NELL2: variants seen among roughly 807,000 people sequenced by gnomAD.
NELL2 encodes protein kinase C-binding protein NELL2.
Under a neutral mutation model 109.6 loss-of-function variants are expected in NELL2, and 41 were observed. The observed-to-expected ratio is 0.37, with a 90% CI of 0.29 to 0.49. The LOEUF is 0.49. NELL2 is among the 20% of genes least tolerant of loss of function. The pLI is 0.98. For missense variants in NELL2, 900 were observed against 1,008.3 expected (o/e 0.89, Z 1.45); for synonymous variants, 355 against 344.7 (o/e 1.03, Z -0.33).
chr12:44,908,240 T>C (rs1428382262), intron 1 of NELL2, among the ~76,000 whole-genome samples: 3 of 151,918 alleles, frequency 2.0e-5, no homozygotes, highest in East Asian at 1.9e-4. Context: ...AGATAAGAAA[T>C]AGAAGAGTTG....
chr12:44,832,117 A>ATTTTCT (rs1249941188), intron 2 of NELL2, among the ~76,000 whole-genome samples: 29 of 152,280 alleles, frequency 1.9e-4, no homozygotes, highest in Admixed American at 5.2e-4. Flanking sequence ...TCTTTTCTAC[A>ATTTTCT]AGCATTTAAA....
chr12:44,565,738 A>G (rs374446768), intron 15 of NELL2, among the ~76,000 whole-genome samples: 1 of 152,202 alleles, frequency 6.6e-6, no homozygotes, highest in African/African-American at 2.4e-5. Flanking sequence ...CTTAAATATC[A>G]TAATACAAAT....
intron 15 of NELL2, among the ~76,000 whole-genome samples, chr12:44,579,615 T>C (rs1218066969): frequency 6.6e-6 from 1 of 152,192 alleles, no homozygotes; most frequent in African/African-American, 2.4e-5. Context: ...ACTGCCGCCT[T>C]AAAACAGAAG....
intron 18 of NELL2, among the ~76,000 whole-genome samples, chr12:44,521,756 G>C (rs1941551780): frequency 6.6e-6 from 1 of 151,958 alleles, no homozygotes; most frequent in Non-Finnish European, 1.5e-5. Flanking sequence ...AGATACTCCT[G>C]AAAGAGACAT....
At chr12:44,807,904 C>T (rs1489950252) in intron 3 of NELL2, among the ~76,000 whole-genome samples, 1 of 151,994 alleles carries the variant, frequency 6.6e-6, no homozygotes, top group Non-Finnish European at 1.5e-5. Flanking sequence ...AACCAAAATT[C>T]CAGTACTCTG....
At chr12:44,915,395 AG>A (rs1744486929), upstream of NELL2, among the ~76,000 whole-genome samples, 2 of 152,182 alleles carry the variant, frequency 1.3e-5, no homozygotes, top group African/African-American at 4.8e-5. Flanking sequence ...TTCATGTTCA[AG>A]GTTATCTTCT....
intron 1 of NELL2, among the ~76,000 whole-genome samples, chr12:44,897,529 C>T (rs1267020192): frequency 6.6e-6 from 1 of 152,084 alleles, no homozygotes; most frequent in Non-Finnish European, 1.5e-5. Context: ...GGGGAACTCC[C>T]TCTCCTAGTC....
At chr12:44,811,067 AAC>A (rs1301322785) in intron 3 of NELL2, among the ~76,000 whole-genome samples, 1 of 152,086 alleles carries the variant, frequency 6.6e-6, no homozygotes, top group Non-Finnish European at 1.5e-5. Context: ...TCAGCAAACT[AAC>A]ACAGCAAAAG....
In NELL2 at chr12:44,892,289, A is replaced by G. The variant is rs545143716; in HGVS notation, c.39-16389T>C. On this transcript the variant is annotated intron_variant, in intron 1 of 20. Transcript: ENST00000333837. ...ACAGCATCCCAGGCTTCTACTTCCAATTCTGTTACTGTCCAACTGGGCAGG... is the reference window on the plus strand; with the variant it reads ...ACAGCATCCCAGGCTTCTACTTCCAGTTCTGTTACTGTCCAACTGGGCAGG... Among the ~76,000 whole-genome samples, 218 of 152,262 alleles carry G rather than the reference A, an allele frequency of 1.4e-3. 3 individuals carry two copies. The highest frequency in any genetic ancestry group is 3.9e-4 in the East Asian group (2 of 5,180).
In NELL2 at chr12:44,905,621, G is replaced by A. The variant is rs182594313; in HGVS notation, c.38+8178C>T. Among the ~76,000 whole-genome samples the A allele has an allele frequency of 6.5e-3, 985 of 152,086 alleles. 6 individuals carry two copies. Among genetic ancestry groups the A allele is most frequent in the Admixed American group, 0.01 (155 of 15,252 alleles). ...ATATCTGGTTATCCAAGCACTGAGG[G>A]ATCCTTAATGTCTCTTCCCAAATTA... On this transcript the variant is annotated intron_variant, in intron 1 of 20. Coordinates refer to the NELL2 transcript ENST00000333837.
intron 19 of NELL2, 87 bp downstream of exon 19, chr12:44,519,918 C>A: frequency 1.8e-6 from 2 of 1,123,850 alleles, no homozygotes; most frequent in African/African-American, 1.6e-5. Flanking sequence ...AAAAAACCTT[C>A]CTATTGTCCA....
chr12:44,699,093 T>C (rs1796980827), intron 12 of NELL2, among the ~76,000 whole-genome samples: 2 of 152,136 alleles, frequency 1.3e-5, no homozygotes, highest in Admixed American at 1.3e-4. Flanking sequence ...AGTGAAGACA[T>C]GTAGCAAAAA....
intron 9 of NELL2, among the ~76,000 whole-genome samples, chr12:44,725,618 G>A (rs1184168905): frequency 2.6e-5 from 4 of 152,094 alleles, no homozygotes; most frequent in Non-Finnish European, 5.9e-5. Context: ...GCCCATTAAT[G>A]ACAGACTGGA....
chr12:44,900,852 G>A (rs1179697879), intron 1 of NELL2, among the ~76,000 whole-genome samples: 1 of 152,110 alleles, frequency 6.6e-6, no homozygotes, highest in Non-Finnish European at 1.5e-5. Flanking sequence ...GGCTGGGTGT[G>A]ATGGCATGCA....
chr12:44,767,242 G>C (rs1941370395), intron 9 of NELL2, among the ~76,000 whole-genome samples: 1 of 152,108 alleles, frequency 6.6e-6, no homozygotes, highest in African/African-American at 2.4e-5. Context: ...AAGAATGTTT[G>C]GGCTTCCATT....
intron 2 of NELL2, among the ~76,000 whole-genome samples, chr12:44,872,750 T>C (rs1185635037): frequency 6.6e-6 from 1 of 152,236 alleles, no homozygotes; most frequent in Non-Finnish European, 1.5e-5. Flanking sequence ...TAGGTTCATA[T>C]GAAACCTGAG....
At chr12:44,523,608 C>A in intron 16 of NELL2, 124 bp from the exon 17 acceptor site, 1 of 739,160 alleles carries the variant, frequency 1.4e-6, no homozygotes, top group Admixed American at 2.6e-5. Flanking sequence ...ATCTTACTGG[C>A]TTGCATTTGT....
At chr12:44,717,737 G>C (rs1938565208) in intron 9 of NELL2, among the ~76,000 whole-genome samples, 1 of 152,162 alleles carries the variant, frequency 6.6e-6, no homozygotes, top group African/African-American at 2.4e-5. Flanking sequence ...AATCATGAGA[G>C]CACAGCTACT....
At chr12:44,639,042 T>C (rs1246216242) in intron 13 of NELL2, among the ~76,000 whole-genome samples, 4 of 152,192 alleles carry the variant, frequency 2.6e-5, no homozygotes, top group African/African-American at 9.6e-5. Flanking sequence ...TCTTTTTTCA[T>C]GCCAAGTCTT....
Sources: gnomAD v4.1 joint callset for allele counts (sites outside exome capture counted in the v4.1 genomes callset) on GRCh38, gnomAD v4.1.1 for gene constraint, MANE v1.5 for transcripts, NCBI Gene and HGNC (gene_info 2026-07-23, HGNC 2026-07-21) for gene names.